Variants in RANBP17 observed in about 807,000 individuals in gnomAD.
RANBP17 encodes the protein ran-binding protein 17.
RANBP17 carries 158 observed loss-of-function variants against 141.2 expected under a neutral mutation model. That is an observed-to-expected ratio of 1.12 (90% CI 0.98 to 1.28). RANBP17 has a LOEUF of 1.28. RANBP17 is among the 50% of genes most tolerant of loss of function. The pLI, the probability that RANBP17 is intolerant of heterozygous loss-of-function variation, is 0.00. For synonymous variants in RANBP17, 430 were observed against 450.0 expected (o/e 0.96, Z 0.56); for missense variants, 1,438 against 1,290.7 (o/e 1.11, Z -1.75).
At chr5:170,917,753 G>A (rs1772097110) in intron 9 of RANBP17, among the ~76,000 whole-genome samples, 2 of 152,032 alleles carry the variant, frequency 1.3e-5, no homozygotes, top group South Asian at 4.1e-4. Context: ...CCAATAGGTG[G>A]AAGATAATAT....
intron 14 of RANBP17, among the ~76,000 whole-genome samples, chr5:171,146,811 G>A (rs575935104): frequency 1.3e-5 from 2 of 152,280 alleles, no homozygotes; most frequent in East Asian, 3.9e-4. Flanking sequence ...GGGCTAAGAA[G>A]TCTACTTTTT....
chr5:170,909,177 A>G (rs1416203395), intron 5 of RANBP17, among the ~76,000 whole-genome samples: 1 of 151,908 alleles, frequency 6.6e-6, no homozygotes, highest in African/African-American at 2.4e-5. Flanking sequence ...GATTATTTAT[A>G]ATTTCTGCCT....
chr5:171,042,808 A>G (rs1053604148), intron 14 of RANBP17, among the ~76,000 whole-genome samples: 1 of 152,148 alleles, frequency 6.6e-6, no homozygotes, highest in African/African-American at 2.4e-5. Flanking sequence ...TGTCAGGACA[A>G]TCAGGTTTAC....
intron 5 of RANBP17, chr5:170,897,363 T>C: frequency 2.0e-6 from 1 of 500,338 alleles, no homozygotes; most frequent in Admixed American, 2.7e-5. Flanking sequence ...CTTCTTCTTT[T>C]TTTTTTTTAA....
At chr5:171,290,349 C>T (rs895361119) in intron 25 of RANBP17, among the ~76,000 whole-genome samples, 3 of 144,308 alleles carry the variant, frequency 2.1e-5, no homozygotes, top group African/African-American at 7.8e-5. Flanking sequence ...GCCTGGGCAA[C>T]AGAGTAAGAC....
chr5:170,949,506 C>T (rs983480167), intron 12 of RANBP17, among the ~76,000 whole-genome samples: 10 of 152,068 alleles, frequency 6.6e-5, no homozygotes, highest in East Asian at 3.9e-4. Flanking sequence ...TAAGGAAAGG[C>T]GTATCAAAAT....
chr5:170,867,583 T>C (rs540966489), intron 1 of RANBP17, among the ~76,000 whole-genome samples: 2 of 152,324 alleles, frequency 1.3e-5, no homozygotes, highest in South Asian at 4.1e-4. Context: ...AGTTTCTGTT[T>C]ATTGTAATCA....
intron 14 of RANBP17, among the ~76,000 whole-genome samples, chr5:171,056,220 C>A (rs1381154952): frequency 2.0e-5 from 3 of 152,178 alleles, no homozygotes; most frequent in Non-Finnish European, 4.4e-5. Context: ...CATTTCAGCT[C>A]TCCATGAGTC....
At chr5:171,248,462 A>G (rs554739154) in intron 24 of RANBP17, among the ~76,000 whole-genome samples, 1 of 152,294 alleles carries the variant, frequency 6.6e-6, no homozygotes, top group African/African-American at 2.4e-5. Context: ...CAGAAAGCCC[A>G]GAGGGGCTCA....
chr5:171,161,819 T>C (rs1561718498), intron 14 of RANBP17, among the ~76,000 whole-genome samples: 1 of 152,214 alleles, frequency 6.6e-6, no homozygotes, highest in Non-Finnish European at 1.5e-5. Context: ...GCATCTGTTA[T>C]TGAACAGTGT....
intron 7 of RANBP17, among the ~76,000 whole-genome samples, chr5:170,912,174 A>G (rs1179581631): frequency 1.3e-5 from 2 of 151,950 alleles, no homozygotes; most frequent in Non-Finnish European, 2.9e-5. Flanking sequence ...TGTGTTCTGT[A>G]TCTTGACTGT....
rs1452481520 is a variant in RANBP17, at chr5:171,089,334, G to A, written c.1711-80796G>A. Reference sequence around the variant, plus strand: ...TGCCCGTTCTCAGATCTCCAGCTGCGTGCTGGGAGAACCACTGCTCTCTTC... The same window carrying A: ...TGCCCGTTCTCAGATCTCCAGCTGCATGCTGGGAGAACCACTGCTCTCTTC... On this transcript the variant is annotated intron_variant, in intron 14 of 27. Transcript: ENST00000523189. Among the ~76,000 whole-genome samples the A allele has an allele frequency of 5.4e-3, 758 of 139,462 alleles. 6 individuals carry two copies. Among genetic ancestry groups the A allele is most frequent in the African/African-American group, 0.018 (685 of 37,028 alleles). The allele number at this position is 139,462 out of a possible 152,430, so 91.5% of individuals were successfully genotyped here.
intron 1 of RANBP17, among the ~76,000 whole-genome samples, chr5:170,871,039 A>G (rs1490863633): frequency 6.6e-6 from 1 of 152,056 alleles, no homozygotes; most frequent in Non-Finnish European, 1.5e-5. Flanking sequence ...GTGTCTGTTC[A>G]TGTCCTTTGC....
chr5:170,976,769 T>C (rs774010809), intron 14 of RANBP17, among the ~76,000 whole-genome samples: 1 of 152,114 alleles, frequency 6.6e-6, no homozygotes, highest in Non-Finnish European at 1.5e-5. Context: ...AGTGGAAGAA[T>C]AGTTTTCAAC....
chr5:171,045,835 CAAAT>C (rs774284471), intron 14 of RANBP17, among the ~76,000 whole-genome samples: 52 of 152,080 alleles, frequency 3.4e-4, no homozygotes, highest in Non-Finnish European at 6.0e-4. Flanking sequence ...AATAAACAAA[CAAAT>C]AAATAAATAA....
chr5:171,004,292 G>C (rs185830923), intron 14 of RANBP17, among the ~76,000 whole-genome samples: 1 of 152,104 alleles, frequency 6.6e-6, no homozygotes, highest in African/African-American at 2.4e-5. Flanking sequence ...TTGGGAAGAA[G>C]GGTGGCAATG....
intron 25 of RANBP17, among the ~76,000 whole-genome samples, chr5:171,289,966 G>T (rs368547836): frequency 7.9e-5 from 12 of 152,320 alleles, no homozygotes; most frequent in African/African-American, 2.4e-4. Context: ...GGAGGCAGAG[G>T]TTGTAGTGAG....
At chr5:171,209,873 C>T (rs1198133172) in intron 20 of RANBP17, among the ~76,000 whole-genome samples, 1 of 152,208 alleles carries the variant, frequency 6.6e-6, no homozygotes, top group East Asian at 1.9e-4. Flanking sequence ...ACCACATCCC[C>T]AAACCCTTGT....
At chr5:171,045,781 A>C (rs1351526527) in intron 14 of RANBP17, among the ~76,000 whole-genome samples, 2 of 152,184 alleles carry the variant, frequency 1.3e-5, no homozygotes, top group Non-Finnish European at 2.9e-5. Flanking sequence ...TGTAACCACT[A>C]TCACAGTCAG....
Sources: allele counts gnomAD v4.1 joint callset (sites outside exome capture counted in the v4.1 genomes callset), GRCh38; gene constraint gnomAD v4.1.1; transcripts MANE v1.5; gene names NCBI Gene and HGNC (gene_info 2026-07-23, HGNC 2026-07-21).